The following SMCHD1 variants were observed in gnomAD, a reference collection of about 807,000 sequenced individuals.
SMCHD1 encodes the protein structural maintenance of chromosomes flexible hinge domain containing 1, also known as structural maintenance of chromosomes flexible hinge domain-containing protein 1.
SMCHD1 carries 78 observed loss-of-function variants against 254.7 expected under a neutral mutation model. The ratio of observed to expected loss-of-function variants is 0.31; its 90% CI spans 0.26 to 0.37. SMCHD1 has a LOEUF of 0.37. Ranked by LOEUF, SMCHD1 falls within the 10% of genes least tolerant of loss-of-function variation. The pLI is 1.00. For missense variants in SMCHD1, 1,840 were observed against 2,408.1 expected, an observed-to-expected ratio of 0.76 and a Z score of 4.94; for synonymous variants, 766 against 794.9, an observed-to-expected ratio of 0.96 and a Z score of 0.61.
intron 5 of SMCHD1, among the ~76,000 whole-genome samples, chr18:2,678,305 T>TCC (rs765624387): frequency 0.014 from 2,004 of 145,354 alleles, 15 homozygotes; most frequent in Middle Eastern, 0.07. Context: ...CTTTCTTCCT[T>TCC]TTTTTTTTTT....
At chr18:2,701,167 T>TA (rs1302088684) in intron 12 of SMCHD1, 2 of 267,144 alleles carry the variant, frequency 7.5e-6, no homozygotes. Context: ...TTTTTTTGTT[T>TA]TTTTTTTTTT....
chr18:2,666,279 T>G (rs2073434434), intron 2 of SMCHD1, 47 bp downstream of exon 2: 1 of 876,598 alleles, frequency 1.1e-6, no homozygotes, highest in South Asian at 1.6e-5. Context: ...TTTAATAAGG[T>G]TTAGTACATA....
At chr18:2,672,860 T>A (rs997185496) in intron 3 of SMCHD1, among the ~76,000 whole-genome samples, 7 of 152,160 alleles carry the variant, frequency 4.6e-5, no homozygotes, top group Admixed American at 6.5e-5. Flanking sequence ...ATAGGAAATT[T>A]AAAAAAAAGA....
chr18:2,707,029 T>G (rs564283048), intron 15 of SMCHD1, among the ~76,000 whole-genome samples: 74 of 152,294 alleles, frequency 4.9e-4, no homozygotes, highest in African/African-American at 1.7e-3. Flanking sequence ...GAGAACTCAC[T>G]ATCAAGAGAA....
intron 5 of SMCHD1, among the ~76,000 whole-genome samples, chr18:2,679,028 A>G (rs757287064): frequency 1.3e-4 from 19 of 150,760 alleles, no homozygotes; most frequent in Admixed American, 2.6e-4. Flanking sequence ...TTGTATTTTT[A>G]GTAGAGTCGA....
intron 8 of SMCHD1, among the ~76,000 whole-genome samples, chr18:2,696,796 C>T (rs2074294800): frequency 6.6e-6 from 1 of 152,156 alleles, no homozygotes; most frequent in African/African-American, 2.4e-5. Flanking sequence ...TAACTCTATT[C>T]TGTGATGTCA....
chr18:2,687,425 T>G (rs966125469), intron 5 of SMCHD1, among the ~76,000 whole-genome samples: 4 of 152,220 alleles, frequency 2.6e-5, no homozygotes, highest in Non-Finnish European at 5.9e-5. Context: ...AATATTCCTC[T>G]CTGTCTTTTA....
intron 22 of SMCHD1, among the ~76,000 whole-genome samples, chr18:2,727,419 C>A (rs999865506): frequency 3.3e-5 from 5 of 152,080 alleles, no homozygotes; most frequent in African/African-American, 1.2e-4. Flanking sequence ...TTAGGTAGGT[C>A]CATTGGTGGA....
At chr18:2,753,964 T>C (rs1166280161) in intron 34 of SMCHD1, among the ~76,000 whole-genome samples, 1 of 152,208 alleles carries the variant, frequency 6.6e-6, no homozygotes, top group Non-Finnish European at 1.5e-5. Flanking sequence ...TTATCATATA[T>C]TTATTGGCCA....
chr18:2,784,841 G>A, intron 45 of SMCHD1: 1 of 559,678 alleles, frequency 1.8e-6, no homozygotes, highest in South Asian at 1.5e-5. Flanking sequence ...ATTCTTATAT[G>A]TAGTGCATGC....
chr18:2,764,785 A>C (rs188552886), intron 37 of SMCHD1, among the ~76,000 whole-genome samples: 90 of 152,326 alleles, frequency 5.9e-4, no homozygotes, highest in Admixed American at 1.0e-3. Flanking sequence ...GTGAGTATGC[A>C]TGGATTTGAG....
chr18:2,664,484 A>G (rs771546884), intron 1 of SMCHD1, among the ~76,000 whole-genome samples: 1 of 152,052 alleles, frequency 6.6e-6, no homozygotes, highest in South Asian at 2.1e-4. Context: ...AATATTCCAC[A>G]TTATGGATTT....
chr18:2,711,814 T>C (rs2074682742), intron 17 of SMCHD1, among the ~76,000 whole-genome samples: 1 of 152,134 alleles, frequency 6.6e-6, no homozygotes, highest in Admixed American at 6.5e-5. Context: ...GTGTTGGAGG[T>C]GGGACCTAAT....
Position 2,738,393 on chromosome 18 carries a change from CT to C in SMCHD1, c.3277-3del. 1 of 1,579,986 alleles carries C rather than the reference CT, an allele frequency of 6.3e-7. No homozygotes were observed. The highest frequency in any genetic ancestry group is 8.6e-7 in the Non-Finnish European group (1 of 1,164,106). ...TTATTGTTAAATATCTCTTTTTCTCCTAGGTTAATTGGACTCCTGAGATTAA... is the reference window on the plus strand; with the variant it reads ...TTATTGTTAAATATCTCTTTTTCTCCAGGTTAATTGGACTCCTGAGATTAA... On this transcript the variant is annotated splice_region_variant and splice_polypyrimidine_tract_variant and intron_variant, in intron 25 of 47. Transcript: ENST00000320876.
rs757300247 is a variant in SMCHD1 at position 2,763,765 on chromosome 18, C to T, written c.4695C>T (p.Phe1565=). 5.6e-6 allele frequency: 9 copies of T among 1,608,562 alleles called. No individual in the cohort carries two copies. Among genetic ancestry groups the T allele is most frequent in the East Asian group, 2.2e-5 (1 of 44,620 alleles). The change falls in exon 37 of 48, where the codon TTC becomes TTT. Residue 1565 remains phenylalanine, a synonymous_variant. Transcript: ENST00000320876. The stretch of plus-strand genomic sequence containing the variant: ...AAGTTAGAACACTTGAATTCCCCTT[C>T]GTGAATGGTTCGGCTGAAATCATGG... ...IGKVRTLEFP[F]VNGSAEIMSL...
chr18:2,785,917 A>G (rs1281721159), intron 45 of SMCHD1, among the ~76,000 whole-genome samples: 3 of 152,206 alleles, frequency 2.0e-5, no homozygotes, highest in East Asian at 1.9e-4. Flanking sequence ...CCATGTTGTA[A>G]TAAGTGTTAG....
In SMCHD1 at chr18:2,718,814, A is replaced by C. The variant is rs1456421166; in HGVS notation, c.2458+380A>C. Among the ~76,000 whole-genome samples the C allele has an allele frequency of 6.6e-6, 1 of 152,058 alleles. No homozygotes were observed. Among genetic ancestry groups the C allele is most frequent in the Non-Finnish European group, 1.5e-5 (1 of 68,006 alleles). On this transcript the variant is annotated intron_variant, in intron 19 of 47. Coordinates refer to ENST00000320876, the MANE Select transcript of SMCHD1 (RefSeq NM_015295.3). The surrounding 1 kb of genome is among the most constrained non-coding windows in gnomAD (Gnocchi z 4.6). ...ATGATCTACCTGCCTCAGCCTCCCA[A>C]AGTGCTGGGATTACAGATGTGAGCC...
chr18:2,662,075 C>T (rs112294230), intron 1 of SMCHD1, among the ~76,000 whole-genome samples: 44 of 142,854 alleles, frequency 3.1e-4, no homozygotes, highest in Non-Finnish European at 6.0e-4. Context: ...AGGAGAATGG[C>T]GTGAACCCGG....
rs933015471 is a variant in SMCHD1 at position 2,803,178 on chromosome 18, T to C, written c.*626T>C. 7.5e-6 allele frequency: 1 copy of C among 133,466 alleles called. No individual in the cohort carries two copies. The highest frequency in any genetic ancestry group is 2.4e-4 in the South Asian group (1 of 4,190). 8.3% of individuals were successfully genotyped at this position (133,466 alleles called of 1,614,324 possible). A position where few individuals can be genotyped will look rare whatever the true frequency, so the allele number is the denominator to read the frequency against. ...AGCATTTCAAATTTCAAAAGACTTATCCTGTGTGTGTGTGTGTGTGTATAT... is the reference window on the plus strand; with the variant it reads ...AGCATTTCAAATTTCAAAAGACTTACCCTGTGTGTGTGTGTGTGTGTATAT... On this transcript the variant is annotated 3_prime_UTR_variant, in exon 48 of 48. Coordinates refer to ENST00000320876, the MANE Select transcript of SMCHD1 (RefSeq NM_015295.3).
Sources: allele counts gnomAD v4.1 joint callset (sites outside exome capture counted in the v4.1 genomes callset), GRCh38; gene constraint gnomAD v4.1.1; non-coding constraint Gnocchi (gnomAD v3.1); transcripts MANE v1.5; gene names NCBI Gene and HGNC (gene_info 2026-07-23, HGNC 2026-07-21).